PSD3: variants seen among roughly 807,000 people sequenced by gnomAD.
PSD3 encodes PH and SEC7 domain-containing protein 3.
PSD3 carries 49 observed loss-of-function variants against 105.5 expected under a neutral mutation model. The observed-to-expected ratio is 0.46, with a 90% confidence interval of 0.37 to 0.59. The LOEUF (loss-of-function observed/expected upper bound fraction) is 0.59. Ranked by LOEUF, PSD3 falls within the 20% of genes least tolerant of loss-of-function variation. The pLI, the probability that PSD3 is intolerant of heterozygous loss-of-function variation, is 0.00. For synonymous variants in PSD3, 557 were observed against 457.8 expected (o/e 1.22, Z -2.77); for missense variants, 1,561 against 1,263.8 (o/e 1.24, Z -3.57).
At chr8:19,024,236 C>CT (rs1323515135) in intron 1 of PSD3, among the ~76,000 whole-genome samples, 2 of 152,138 alleles carry the variant, frequency 1.3e-5, no homozygotes, top group Non-Finnish European at 2.9e-5. Flanking sequence ...CACTTATAAT[C>CT]TTTTTTCCCA....
At chr8:18,927,427 T>G (rs755404989) in intron 2 of PSD3, among the ~76,000 whole-genome samples, 14 of 152,102 alleles carry the variant, frequency 9.2e-5, no homozygotes, top group Non-Finnish European at 1.6e-4. Context: ...TTGGTCAAGT[T>G]GGTCTCGAGC....
At chr8:18,612,236 T>G (rs1805318425) in intron 11 of PSD3, among the ~76,000 whole-genome samples, 1 of 152,232 alleles carries the variant, frequency 6.6e-6, no homozygotes, top group Non-Finnish European at 1.5e-5. Flanking sequence ...GGAGTCCATG[T>G]TTCCCAGATT....
At chr8:18,809,902 T>C (rs1388766) in intron 4 of PSD3, among the ~76,000 whole-genome samples, 5,745 of 152,278 alleles carry the variant, frequency 0.038, 148 homozygotes, top group African/African-American at 0.067. Flanking sequence ...CTCTGTGTTT[T>C]CATCCTTCTC....
chr8:18,781,550 G>C (rs1038857195), intron 8 of PSD3, among the ~76,000 whole-genome samples: 2 of 152,218 alleles, frequency 1.3e-5, no homozygotes, highest in Non-Finnish European at 2.9e-5. Flanking sequence ...ACATGGCCTG[G>C]AAGGTTTCTG....
intron 8 of PSD3, among the ~76,000 whole-genome samples, chr8:18,773,415 G>A (rs1404011623): frequency 6.6e-6 from 1 of 151,780 alleles, no homozygotes; most frequent in African/African-American, 2.4e-5. Context: ...AATAACATAC[G>A]AGTACTCTAA....
chr8:18,629,037 C>G (rs1174582101), intron 11 of PSD3, among the ~76,000 whole-genome samples: 1 of 151,706 alleles, frequency 6.6e-6, no homozygotes, highest in East Asian at 1.9e-4. Flanking sequence ...CACCAATATT[C>G]CATATAATAG....
chr8:18,779,303 T>C (rs553449578), intron 8 of PSD3, among the ~76,000 whole-genome samples: 3 of 152,234 alleles, frequency 2.0e-5, no homozygotes, highest in African/African-American at 7.2e-5. Flanking sequence ...CTGTCTCCTT[T>C]TTTGGTTGGG....
chr8:18,581,757 G>A (rs1486468172), intron 12 of PSD3, among the ~76,000 whole-genome samples: 4 of 152,140 alleles, frequency 2.6e-5, no homozygotes, highest in Admixed American at 2.6e-4. Context: ...CACACTGTCA[G>A]GACAAGTGTT....
chr8:18,773,807 T>G (rs1023434209), intron 8 of PSD3, among the ~76,000 whole-genome samples: 1 of 152,214 alleles, frequency 6.6e-6, no homozygotes, highest in African/African-American at 2.4e-5. Flanking sequence ...AACTTGGATT[T>G]TCACAGTGAT....
intron 9 of PSD3, among the ~76,000 whole-genome samples, chr8:18,704,559 C>G (rs1801779509): frequency 6.6e-6 from 1 of 152,170 alleles, no homozygotes; most frequent in Non-Finnish European, 1.5e-5. Context: ...GCTGGCTGGT[C>G]TTGAACTCCT....
intron 1 of PSD3, among the ~76,000 whole-genome samples, chr8:18,955,663 G>A (rs1472022143): frequency 6.6e-6 from 1 of 152,186 alleles, no homozygotes; most frequent in East Asian, 1.9e-4. Context: ...ACACGTTGCT[G>A]AGCTGTCCTC....
At chr8:18,816,647 G>C (rs1053440947) in intron 4 of PSD3, among the ~76,000 whole-genome samples, 4 of 152,298 alleles carry the variant, frequency 2.6e-5, no homozygotes, top group African/African-American at 9.6e-5. Context: ...CTAAGTGCTA[G>C]GGGTGCAGCC....
intron 9 of PSD3, among the ~76,000 whole-genome samples, chr8:18,753,656 G>C (rs1435207165): frequency 2.0e-5 from 3 of 152,118 alleles, no homozygotes; most frequent in Non-Finnish European, 4.4e-5. Flanking sequence ...AATGGTTTTA[G>C]ATAGAGAAAT....
chr8:18,706,192 T>C (rs531990704), intron 9 of PSD3, among the ~76,000 whole-genome samples: 5 of 152,308 alleles, frequency 3.3e-5, no homozygotes, highest in African/African-American at 9.6e-5. Flanking sequence ...AGCCGTTCTG[T>C]AGCCACCAAA....
At position 18,529,393 on chromosome 8, in the gene PSD3, T is replaced by C. The variant is rs1799545807; in HGVS notation, c.*6350A>G. 1 of 152,258 alleles carries C rather than the reference T, an allele frequency of 6.6e-6. No individual in the cohort carries two copies. Among genetic ancestry groups the C allele is most frequent in the Admixed American group, 6.5e-5 (1 of 15,284 alleles). The allele number at this position is 152,258 out of a possible 1,614,324, so 9.4% of individuals were successfully genotyped here. ...TGCATCTTAAGGTCTTATGTTTGTA[T>C]AACTTAAAACATTCACTGTGTGTGC... On this transcript the variant is annotated 3_prime_UTR_variant, in exon 16 of 16. Transcript: ENST00000327040.
intron 4 of PSD3, among the ~76,000 whole-genome samples, chr8:18,851,622 C>A (rs1311894354): frequency 1.3e-5 from 2 of 152,260 alleles, no homozygotes; most frequent in Non-Finnish European, 2.9e-5. Context: ...GTGACACAAC[C>A]CAGCTGTGCA....
intron 9 of PSD3, among the ~76,000 whole-genome samples, chr8:18,668,043 C>T (rs1170055871): frequency 6.6e-6 from 1 of 152,222 alleles, no homozygotes; most frequent in African/African-American, 2.4e-5. Context: ...GCGCGCAACC[C>T]GGGTTCCCGC....
In PSD3 at chr8:18,924,255, G is replaced by C. The variant is rs1821219052; in HGVS notation, c.130+11779C>G. On this transcript the variant is annotated intron_variant, in intron 2 of 15. Coordinates refer to ENST00000327040, the MANE Select transcript of PSD3 (RefSeq NM_015310.4). ...ATTGGAAACTACTGCGTATCAAGCA[G>C]AGGCTGTGGTACAGCTAAAATAATG... Among the ~76,000 whole-genome samples, 3 of 152,308 alleles carry C rather than the reference G, an allele frequency of 2.0e-5. No individual in the cohort carries two copies. In the South Asian group the frequency reaches 6.2e-4, roughly 32 times the overall value.
intron 2 of PSD3, among the ~76,000 whole-genome samples, chr8:18,883,773 TA>T (rs1428500891): frequency 2.6e-5 from 4 of 152,228 alleles, no homozygotes; most frequent in African/African-American, 9.6e-5. Context: ...GAGAATGCAC[TA>T]AGGGTCTTAT....
Sources: gnomAD v4.1 joint callset for allele counts (sites outside exome capture counted in the v4.1 genomes callset) on GRCh38, gnomAD v4.1.1 for gene constraint, MANE v1.5 for transcripts, NCBI Gene and HGNC (gene_info 2026-07-23, HGNC 2026-07-21) for gene names.